The following VDAC1 variants were observed in gnomAD, a reference collection of about 807,000 sequenced individuals.
VDAC1 encodes the protein non-selective voltage-gated ion channel VDAC1.
A neutral mutation model predicts 34.7 loss-of-function variants in VDAC1; 10 were observed. The ratio of observed to expected loss-of-function variants is 0.29; its 90% CI spans 0.18 to 0.49. The LOEUF (loss-of-function observed/expected upper bound fraction) is 0.49, where lower values mean the gene tolerates loss of function less well. VDAC1 is among the 20% of genes least tolerant of loss of function. VDAC1 has a pLI of 0.99. For missense variants in VDAC1, 230 were observed against 347.9 expected (o/e 0.66, Z 2.69); for synonymous variants, 130 against 136.0 (o/e 0.96, Z 0.30).
At position 133,992,293 on chromosome 5, in the gene VDAC1, T is replaced by C. The variant is rs530123030; in HGVS notation, c.117+13A>G. On this transcript the variant is annotated intron_variant, in intron 3 of 8. Coordinates refer to ENST00000265333, the MANE Select transcript of VDAC1 (RefSeq NM_003374.3). ...AATAAATACTCATGTTCCATGTGGG[T>C]TGGACAACTTACCAATCCATTCTCA... 33 of 1,559,366 alleles carry C rather than the reference T, an allele frequency of 2.1e-5. No homozygotes were observed. The African/African-American group carries it at 3.5e-4, about 16-fold the overall frequency.
the VDAC1 span, among the ~76,000 whole-genome samples, chr5:134,098,903 T>C: frequency 1.2e-3 from 177 of 152,328 alleles, no homozygotes; most frequent in Admixed American, 3.7e-3. Flanking sequence ...AAAGTCATGT[T>C]TGAAGGCCTG....
chr5:134,051,829 T>G, the VDAC1 span, among the ~76,000 whole-genome samples: 2 of 151,832 alleles, frequency 1.3e-5, no homozygotes, highest in African/African-American at 2.4e-5. Context: ...CTCCCGAGTA[T>G]CTGGGATTAC....
chr5:134,035,661 T>G, the VDAC1 span, among the ~76,000 whole-genome samples: 1 of 152,180 alleles, frequency 6.6e-6, no homozygotes, highest in African/African-American at 2.4e-5. Flanking sequence ...GGACAGCTCT[T>G]CCTTTCAAAT....
the VDAC1 span, among the ~76,000 whole-genome samples, chr5:134,033,550 G>A: frequency 2.0e-5 from 3 of 152,000 alleles, no homozygotes; most frequent in South Asian, 2.1e-4. Flanking sequence ...ATGGATAGAA[G>A]TCATGCTGGG....
the VDAC1 span, among the ~76,000 whole-genome samples, chr5:134,104,452 G>T: frequency 6.6e-6 from 1 of 152,216 alleles, no homozygotes; most frequent in African/African-American, 2.4e-5. Flanking sequence ...CCAAAGCTCC[G>T]CTTAGAACAG....
Position 133,979,001 on chromosome 5 carries a change from G to A in VDAC1, c.551+1728C>T, listed in dbSNP as rs1005074224. Among the ~76,000 whole-genome samples the A allele has an allele frequency of 6.4e-4, 98 of 152,034 alleles. 1 individual carries two copies. Among genetic ancestry groups the A allele is most frequent in the African/African-American group, 2.0e-3 (83 of 41,380 alleles). On this transcript the variant is annotated intron_variant, in intron 6 of 8. Coordinates refer to ENST00000265333, the MANE Select transcript of VDAC1 (RefSeq NM_003374.3). Reference sequence around the variant, plus strand: ...AGCCTGGGTGAGAGAGTGAGACCCTGTCACCAAAAAATAATAATAATAAAT... The same window carrying A: ...AGCCTGGGTGAGAGAGTGAGACCCTATCACCAAAAAATAATAATAATAAAT...
the VDAC1 span, among the ~76,000 whole-genome samples, chr5:134,032,030 C>G: frequency 2.1e-5 from 3 of 142,022 alleles, no homozygotes; most frequent in Non-Finnish European, 4.5e-5. Context: ...TTGGGAGGCA[C>G]GAGAATTGCC....
At chr5:133,994,436 T>C (rs1753218152) in intron 1 of VDAC1, among the ~76,000 whole-genome samples, 1 of 152,170 alleles carries the variant, frequency 6.6e-6, no homozygotes, top group African/African-American at 2.4e-5. Flanking sequence ...TTCTTGCACA[T>C]GATCAGGCTG....
chr5:134,048,766 C>T, the VDAC1 span, among the ~76,000 whole-genome samples: 4 of 151,892 alleles, frequency 2.6e-5, no homozygotes, highest in Non-Finnish European at 4.4e-5. Flanking sequence ...TATCCCCCGC[C>T]GGGCATTTTT....
At chr5:133,986,546 G>GCCA (rs1365818033) in intron 5 of VDAC1, among the ~76,000 whole-genome samples, 1 of 151,844 alleles carries the variant, frequency 6.6e-6, no homozygotes, top group Admixed American at 6.6e-5. Flanking sequence ...ACAGGTGTGC[G>GCCA]CCACCACACC....
At chr5:134,022,246 C>A in the VDAC1 span, among the ~76,000 whole-genome samples, 1 of 132,648 alleles carries the variant, frequency 7.5e-6, no homozygotes. Context: ...AACACCAGCT[C>A]CCTGGGTTGT....
At chr5:133,993,067 T>C (rs1403308799) in intron 1 of VDAC1, 49 bp from the exon 2 acceptor site, 6 of 1,536,456 alleles carry the variant, frequency 3.9e-6, no homozygotes, top group African/African-American at 2.8e-5. Flanking sequence ...TTAGGGAAAT[T>C]AGCTTTCCAT....
the VDAC1 span, among the ~76,000 whole-genome samples, chr5:134,064,310 G>T: frequency 2.7e-5 from 4 of 150,520 alleles, no homozygotes; most frequent in Non-Finnish European, 4.4e-5. Context: ...GTTTTTTGGG[G>T]TTTTTTTTTG....
At chr5:134,086,073 G>A in the VDAC1 span, among the ~76,000 whole-genome samples, 5 of 152,248 alleles carry the variant, frequency 3.3e-5, no homozygotes, top group South Asian at 6.2e-4. Context: ...GCGTGTGCCC[G>A]TAATCCCAGC....
the VDAC1 span, among the ~76,000 whole-genome samples, chr5:134,109,716 G>A: frequency 6.6e-6 from 1 of 150,400 alleles, no homozygotes; most frequent in African/African-American, 2.5e-5. Flanking sequence ...GTTGCAGTGA[G>A]CCGAGATCGT....
At chr5:134,046,161 G>A in the VDAC1 span, among the ~76,000 whole-genome samples, 1 of 151,042 alleles carries the variant, frequency 6.6e-6, no homozygotes, top group African/African-American at 2.4e-5. Flanking sequence ...AAGCAGCTGG[G>A]ACTACAGGCA....
At chr5:134,095,980 C>T in the VDAC1 span, among the ~76,000 whole-genome samples, 1 of 152,214 alleles carries the variant, frequency 6.6e-6, no homozygotes, top group African/African-American at 2.4e-5. Flanking sequence ...TAGGAAAGAG[C>T]CAAACCAGCT....
the VDAC1 span, among the ~76,000 whole-genome samples, chr5:134,040,879 C>T: frequency 6.6e-6 from 1 of 152,168 alleles, no homozygotes; most frequent in Non-Finnish European, 1.5e-5. Context: ...ACTTTAACTT[C>T]CCAGGAATTA....
chr5:133,999,860 T>C (rs1453250255), intron 1 of VDAC1, among the ~76,000 whole-genome samples: 1 of 152,144 alleles, frequency 6.6e-6, no homozygotes, highest in Non-Finnish European at 1.5e-5. Flanking sequence ...CATCTTATGA[T>C]TCTGCCAAGG....
Sources: allele counts gnomAD v4.1 joint callset (sites outside exome capture counted in the v4.1 genomes callset), GRCh38; gene constraint gnomAD v4.1.1; transcripts MANE v1.5; gene names NCBI Gene and HGNC (gene_info 2026-07-23, HGNC 2026-07-21).